Variants in USH2A observed in about 807,000 individuals in gnomAD.
USH2A encodes the protein usherin.
A neutral mutation model predicts 538.9 loss-of-function variants in USH2A; 443 were observed. The observed-to-expected ratio is 0.82, with a 90% CI of 0.76 to 0.89. USH2A has a LOEUF of 0.89. Among genes scored for constraint, USH2A ranks in the 40% least tolerant of loss-of-function variants. USH2A has a pLI of 0.00. For synonymous variants in USH2A, 2,413 were observed against 2,273.5 expected (o/e 1.06, Z -1.75); for missense variants, 6,633 against 6,324.8 (o/e 1.05, Z -1.65).
At chr1:216,397,610 T>C (rs973383124) in intron 3 of USH2A, among the ~76,000 whole-genome samples, 8 of 152,232 alleles carry the variant, frequency 5.3e-5, no homozygotes, top group Admixed American at 4.6e-4. Flanking sequence ...CAGTGCAGAA[T>C]GCCCTTTCTT....
At chr1:215,987,377 C>T (rs1667895699) in intron 35 of USH2A, among the ~76,000 whole-genome samples, 1 of 152,170 alleles carries the variant, frequency 6.6e-6, no homozygotes, top group Non-Finnish European at 1.5e-5. Context: ...CAAGGTCCTA[C>T]ATAATAAGGG....
intron 33 of USH2A, among the ~76,000 whole-genome samples, chr1:215,999,906 C>T (rs1668227034): frequency 6.6e-6 from 1 of 151,950 alleles, no homozygotes; most frequent in Non-Finnish European, 1.5e-5. Flanking sequence ...ATAAGAGAGA[C>T]CTATTAGATT....
intron 3 of USH2A, among the ~76,000 whole-genome samples, chr1:216,383,828 C>T (rs1571764658): frequency 6.6e-6 from 1 of 151,686 alleles, no homozygotes; most frequent in African/African-American, 2.4e-5. Context: ...GCATGCACCA[C>T]CATGCCTGGC....
intron 53 of USH2A, 74 bp from the exon 54 acceptor site, chr1:215,782,270 T>G: frequency 3.3e-6 from 5 of 1,517,800 alleles, no homozygotes; most frequent in Non-Finnish European, 4.5e-6. Context: ...TTACAAATCT[T>G]AGTGTTCGGA....
At chr1:215,651,597 G>A (rs1475997673) in intron 64 of USH2A, among the ~76,000 whole-genome samples, 1 of 150,744 alleles carries the variant, frequency 6.6e-6, no homozygotes, top group African/African-American at 2.4e-5. Context: ...TTGCCCCCGA[G>A]CTTTTAAAGA....
At chr1:216,182,447 T>C (rs2034512347) in intron 20 of USH2A, among the ~76,000 whole-genome samples, 1 of 152,116 alleles carries the variant, frequency 6.6e-6, no homozygotes, top group South Asian at 2.1e-4. Context: ...TAAAGTCGCA[T>C]ATCTAAATAT....
intron 44 of USH2A, among the ~76,000 whole-genome samples, chr1:215,861,922 C>T (rs1664327583): frequency 1.3e-5 from 2 of 149,652 alleles, no homozygotes; most frequent in African/African-American, 2.5e-5. Context: ...TCACTGCAAC[C>T]TCCGCCTCCC....
chr1:215,680,407 T>TTG (rs550693192), intron 61 of USH2A, 31 bp from the exon 62 acceptor site: 1 of 6,448 alleles, frequency 1.6e-4, no homozygotes, highest in Non-Finnish European at 3.8e-4. Flanking sequence ...TAAGTTGTTG[T>TTG]TTTTTTTTTT....
chr1:215,691,268 C>T (rs982185817), intron 61 of USH2A, among the ~76,000 whole-genome samples: 1 of 152,158 alleles, frequency 6.6e-6, no homozygotes, highest in African/African-American at 2.4e-5. Context: ...CACTCCTCTG[C>T]TCAAAACCCT....
chr1:216,403,087 T>C (rs2039336370), intron 3 of USH2A, among the ~76,000 whole-genome samples: 1 of 152,168 alleles, frequency 6.6e-6, no homozygotes, highest in African/African-American at 2.4e-5. Context: ...TTGTATACTA[T>C]GACCAAGTAG....
intron 21 of USH2A, among the ~76,000 whole-genome samples, chr1:216,133,426 A>T (rs536143990): frequency 1.8e-4 from 27 of 152,192 alleles, no homozygotes; most frequent in African/African-American, 6.0e-4. Flanking sequence ...CATAAAAAAG[A>T]CATATGTGGG....
chr1:215,887,790 T>C (rs1265376203), intron 41 of USH2A, among the ~76,000 whole-genome samples: 1 of 152,194 alleles, frequency 6.6e-6, no homozygotes, highest in African/African-American at 2.4e-5. Flanking sequence ...CTTTTGGCAG[T>C]AGTACAAGAC....
chr1:215,859,266 G>A (rs1472073859), intron 44 of USH2A, among the ~76,000 whole-genome samples: 1 of 152,122 alleles, frequency 6.6e-6, no homozygotes, highest in Admixed American at 6.6e-5. Flanking sequence ...CTGGCATGGT[G>A]GCTCTAGCCT....
intron 3 of USH2A, among the ~76,000 whole-genome samples, chr1:216,408,812 T>C (rs537668836): frequency 4.1e-4 from 62 of 152,252 alleles, no homozygotes; most frequent in African/African-American, 1.5e-3. Flanking sequence ...CTAAGAGAGC[T>C]ACTATGTGAC....
At chr1:216,147,165 C>A (rs1462763027) in intron 21 of USH2A, among the ~76,000 whole-genome samples, 1 of 151,928 alleles carries the variant, frequency 6.6e-6, no homozygotes, top group Non-Finnish European at 1.5e-5. Context: ...CCAAGCATCG[C>A]TGAGTCTTTC....
At position 215,782,853 on chromosome 1, in the gene USH2A, C is replaced by T. The variant is rs201401001; in HGVS notation, c.10470G>A (p.Val3490=). ...GCACATCTTCTTTTGTTCTGGCTCT[C>T]ACAGCTTTGCTGAGTCCTCGCCCAT... The part of the protein sequence containing the change: ...NSYGRGLSKA[V]RARTKEDVPQ... The change falls in exon 53 of 72, where the codon GTG becomes GTA. Residue 3490 remains valine, a synonymous_variant. Coordinates refer to ENST00000307340, the MANE Select transcript of USH2A (RefSeq NM_206933.4). The T allele has an allele frequency of 1.2e-6, 2 of 1,613,814 alleles. No homozygotes were observed. Among genetic ancestry groups the T allele is most frequent in the East Asian group, 2.2e-5 (1 of 44,866 alleles).
At chr1:216,197,664 A>G (rs985553715) in intron 18 of USH2A, among the ~76,000 whole-genome samples, 1 of 152,230 alleles carries the variant, frequency 6.6e-6, no homozygotes, top group Non-Finnish European at 1.5e-5. Flanking sequence ...ACACATAACA[A>G]AAGTGTATTT....
chr1:215,876,054 T>C (rs1017041699), intron 43 of USH2A, among the ~76,000 whole-genome samples: 6 of 151,690 alleles, frequency 4.0e-5, no homozygotes, highest in African/African-American at 1.5e-4. Context: ...AGGGCTAAGA[T>C]GTATTTATCT....
chr1:215,833,858 C>G (rs1319397882), intron 47 of USH2A, among the ~76,000 whole-genome samples: 1 of 151,688 alleles, frequency 6.6e-6, no homozygotes, highest in Non-Finnish European at 1.5e-5. Flanking sequence ...AATAAGAAAA[C>G]AAAGAATCTA....
Sources: allele counts gnomAD v4.1 joint callset (sites outside exome capture counted in the v4.1 genomes callset), GRCh38; gene constraint gnomAD v4.1.1; transcripts MANE v1.5; gene names NCBI Gene and HGNC (gene_info 2026-07-23, HGNC 2026-07-21).